Variants in NRG1 observed in about 807,000 individuals in gnomAD.
The protein encoded by NRG1 is neuregulin 1, also known as pro-neuregulin-1, membrane-bound isoform.
A neutral mutation model predicts 63.8 loss-of-function variants in NRG1; 18 were observed. The observed-to-expected ratio is 0.28, with a 90% CI of 0.19 to 0.42. NRG1 has a LOEUF of 0.42. NRG1 is among the 10% of genes least tolerant of loss of function. NRG1 has a pLI of 1.00. For missense variants in NRG1, 762 were observed against 814.7 expected, an observed-to-expected ratio of 0.94 and a Z score of 0.79; for synonymous variants, 302 against 301.3, an observed-to-expected ratio of 1.00 and a Z score of -0.02.
chr8:32,363,013 T>G lies in NRG1; in HGVS notation c.38-232815T>G, dbSNP rs568962978. Among the ~76,000 whole-genome samples the G allele has an allele frequency of 1.2e-3, 182 of 152,284 alleles. 1 individual carries two copies. Among genetic ancestry groups the G allele is most frequent in the African/African-American group, 4.3e-3 (179 of 41,570 alleles). ...TGCAAGGCCACATGCGCATGGGGTG[T>G]GCAATTAACTCTGCCCATGCTGCTG... On this transcript the variant is annotated intron_variant, in intron 1 of 10. Transcript: ENST00000519301.
intron 1 of NRG1, among the ~76,000 whole-genome samples, chr8:32,211,779 T>C (rs1413701064): frequency 6.6e-6 from 1 of 152,186 alleles, no homozygotes; most frequent in East Asian, 1.9e-4. Context: ...CAGGCTTGAA[T>C]TTTTGTGTAC....
intron 1 of NRG1, among the ~76,000 whole-genome samples, chr8:31,883,249 A>G (rs1275737517): frequency 6.6e-6 from 1 of 152,150 alleles, no homozygotes; most frequent in Non-Finnish European, 1.5e-5. Context: ...GATTCAGATG[A>G]TCATTAGCAT....
chr8:32,661,254 G>A (rs1802779135), intron 5 of NRG1, among the ~76,000 whole-genome samples: 1 of 152,204 alleles, frequency 6.6e-6, no homozygotes, highest in South Asian at 2.1e-4. Context: ...AAATTCACAA[G>A]GAGAAAAGTA....
At chr8:31,878,226 A>G (rs13278988) in intron 1 of NRG1, among the ~76,000 whole-genome samples, 47,608 of 152,062 alleles carry the variant, frequency 0.31, 8,469 homozygotes, top group East Asian at 0.74. Context: ...CTATTGCTAT[A>G]TATGGAAATT....
In NRG1 at chr8:32,652,815, C is replaced by T. The variant is rs541109806; in HGVS notation, c.502+35930C>T. On this transcript the variant is annotated intron_variant, in intron 5 of 11. Coordinates refer to ENST00000356819, the Ensembl canonical transcript of NRG1. The stretch of plus-strand genomic sequence containing the variant: ...TTTTGGACATCAGCATTTCTGTACT[C>T]CCAGAAAACGATGTTCCAAACCATA... 2.6e-5 allele frequency among the ~76,000 whole-genome samples: 4 copies of T among 152,176 alleles called. No homozygotes were observed. The South Asian group carries it at 6.2e-4, about 24-fold the overall frequency.
At chr8:31,935,893 C>A (rs1191326986) in intron 1 of NRG1, among the ~76,000 whole-genome samples, 1 of 152,200 alleles carries the variant, frequency 6.6e-6, no homozygotes, top group Non-Finnish European at 1.5e-5. Flanking sequence ...CTTCCTAAGA[C>A]ATTTTGCTTA....
intron 1 of NRG1, among the ~76,000 whole-genome samples, chr8:31,972,629 G>C (rs1807486514): frequency 6.6e-6 from 1 of 152,048 alleles, no homozygotes; most frequent in Non-Finnish European, 1.5e-5. Context: ...CCAGCTCACT[G>C]ACTCTCTTGG....
At chr8:32,561,013 T>C (rs1314850985) in intron 1 of NRG1, among the ~76,000 whole-genome samples, 2 of 152,064 alleles carry the variant, frequency 1.3e-5, no homozygotes, top group African/African-American at 4.8e-5. Flanking sequence ...CTGAGAAAAA[T>C]CATAGAGTGT....
intron 1 of NRG1, among the ~76,000 whole-genome samples, chr8:32,110,323 A>G (rs2131439939): frequency 6.6e-6 from 1 of 152,276 alleles, no homozygotes; most frequent in Non-Finnish European, 1.5e-5. Flanking sequence ...AAGAGCTAAG[A>G]GAAGAAAGTC....
At chr8:31,756,739 A>C (rs528157546) in intron 1 of NRG1, among the ~76,000 whole-genome samples, 16 of 152,182 alleles carry the variant, frequency 1.1e-4, no homozygotes, top group Non-Finnish European at 2.1e-4. Context: ...AAGAGTAAAA[A>C]ACATGTTACC....
At chr8:32,640,832 A>T (rs1191491740) in intron 5 of NRG1, among the ~76,000 whole-genome samples, 2 of 151,990 alleles carry the variant, frequency 1.3e-5, no homozygotes, top group African/African-American at 4.8e-5. Flanking sequence ...GTGGTGGCTC[A>T]CGACTGTAAT....
intron 1 of NRG1, among the ~76,000 whole-genome samples, chr8:31,725,300 T>C (rs1415888945): frequency 6.6e-6 from 1 of 152,162 alleles, no homozygotes; most frequent in Non-Finnish European, 1.5e-5. Flanking sequence ...CTCTCTCTGA[T>C]ACTGAGAACA....
At chr8:31,802,782 A>T (rs1217159517) in intron 1 of NRG1, among the ~76,000 whole-genome samples, 1 of 152,238 alleles carries the variant, frequency 6.6e-6, no homozygotes, top group Non-Finnish European at 1.5e-5. Flanking sequence ...TGAATAAAAC[A>T]GGCTGTTTTG....
chr8:32,527,613 A>G (rs1830999282), intron 1 of NRG1, among the ~76,000 whole-genome samples: 2 of 152,174 alleles, frequency 1.3e-5, no homozygotes, highest in Admixed American at 6.5e-5. Flanking sequence ...CAGTATAACA[A>G]CAAAACTGCA....
intron 1 of NRG1, among the ~76,000 whole-genome samples, chr8:32,204,861 A>T (rs964944645): frequency 6.6e-6 from 1 of 152,230 alleles, no homozygotes; most frequent in African/African-American, 2.4e-5. Context: ...CAGCAAGCAC[A>T]TATGTTAATG....
At chr8:32,496,206 T>A (rs1197642556) in intron 1 of NRG1, among the ~76,000 whole-genome samples, 1 of 152,208 alleles carries the variant, frequency 6.6e-6, no homozygotes, top group Non-Finnish European at 1.5e-5. Flanking sequence ...TAAGCAGTAG[T>A]TAACAGAATA....
At chr8:32,159,955 C>A (rs1436354943) in intron 1 of NRG1, among the ~76,000 whole-genome samples, 14 of 152,164 alleles carry the variant, frequency 9.2e-5, no homozygotes, top group Admixed American at 9.2e-4. Context: ...AAATTATTTT[C>A]TCTATTGTCT....
intron 1 of NRG1, among the ~76,000 whole-genome samples, chr8:32,324,170 C>G (rs1801735080): frequency 6.6e-6 from 1 of 152,006 alleles, no homozygotes; most frequent in East Asian, 1.9e-4. Flanking sequence ...ACACTGTTTG[C>G]AAAGGCCAGG....
At chr8:32,756,618 T>C in intron 9 of NRG1, 89 bp downstream of exon 9, 1 of 1,460,814 alleles carries the variant, frequency 6.8e-7, no homozygotes, top group Non-Finnish European at 9.1e-7. Context: ...CTTAAGCTTT[T>C]AGCTGCTGCC....
Sources: allele counts gnomAD v4.1 joint callset (sites outside exome capture counted in the v4.1 genomes callset), GRCh38; gene constraint gnomAD v4.1.1; transcripts MANE v1.5; gene names NCBI Gene and HGNC (gene_info 2026-07-23, HGNC 2026-07-21).